The following ZFYVE26 variants were observed in gnomAD, a reference collection of about 807,000 sequenced individuals.
The protein encoded by ZFYVE26 is zinc finger FYVE-type containing 26.
Under a neutral mutation model 276.5 loss-of-function variants are expected in ZFYVE26, and 181 were observed. The ratio of observed to expected loss-of-function variants is 0.65; its 90% CI spans 0.58 to 0.74. The LOEUF is 0.74. Ranked by LOEUF, ZFYVE26 falls within the 30% of genes least tolerant of loss-of-function variation. The pLI is 0.00. For synonymous variants in ZFYVE26, 1,129 were observed against 1,203.1 expected (o/e 0.94, Z 1.27); for missense variants, 2,821 against 3,097.9 (o/e 0.91, Z 2.12).
intron 18 of ZFYVE26, 46 bp downstream of exon 18, chr14:67,785,812 C>A: frequency 6.2e-7 from 1 of 1,613,098 alleles, no homozygotes; most frequent in Non-Finnish European, 8.5e-7. Flanking sequence ...GCTGTTTCCT[C>A]TCCCCAGTTC....
rs2040245279 is a variant in ZFYVE26, at chr14:67,809,300, CA to C, written c.274-12del. The C allele has an allele frequency of 6.3e-7, 1 of 1,595,682 alleles. No individual in the cohort carries two copies. The highest frequency in any genetic ancestry group is 1.3e-5 in the African/African-American group (1 of 74,178). On this transcript the variant is annotated splice_polypyrimidine_tract_variant and intron_variant, in intron 3 of 41. Transcript: ENST00000347230. ...AACTGGGAGTAACTTCTAGAAGAAT[CA>C]AAAGAATGAAGCATAGAGATGAGAT...
At position 67,780,286 on chromosome 14, in the gene ZFYVE26, A is replaced by G. The variant is rs2140218942; in HGVS notation, c.4629T>C (p.Cys1543=). The change falls in exon 23 of 42, where the codon TGT becomes TGC. Residue 1543 remains cysteine, a synonymous_variant. Transcript: ENST00000347230. The stretch of plus-strand genomic sequence containing the variant: ...TCATGACAGTTGATGGGTCCTCAAC[A>G]CAACAGCTCCTCAAGGTCTGCCAGT... The part of the protein sequence containing the change: ...WCDWQTLRSC[C]VEDPSTVMNM... 1 of 1,614,096 alleles carries G rather than the reference A, an allele frequency of 6.2e-7. No individual in the cohort carries two copies. The highest frequency in any genetic ancestry group is 1.7e-4 in the Middle Eastern group (1 of 6,060).
intron 12 of ZFYVE26, chr14:67,797,321 A>C (rs2039974795): frequency 3.0e-6 from 1 of 328,876 alleles, no homozygotes; most frequent in East Asian, 7.6e-5. Flanking sequence ...GGTGTTTCTG[A>C]CAATGGAATA....
At chr14:67,742,411 A>G (rs1206416278), downstream of ZFYVE26, among the ~76,000 whole-genome samples, 1 of 152,222 alleles carries the variant, frequency 6.6e-6, no homozygotes, top group Admixed American at 6.5e-5. Context: ...TATGTCATGT[A>G]TATTTTAGCA....
chr14:67,794,041 A>C (rs2039890519), intron 13 of ZFYVE26, 130 bp downstream of exon 13: 4 of 1,059,280 alleles, frequency 3.8e-6, no homozygotes. Context: ...TCTCCCAGCT[A>C]AAATCTGGCC....
chr14:67,774,246 C>T (rs112459462), intron 27 of ZFYVE26, among the ~76,000 whole-genome samples: 3 of 152,314 alleles, frequency 2.0e-5, no homozygotes, highest in African/African-American at 7.2e-5. Flanking sequence ...TGGCTCATGC[C>T]TATAATCCCA....
At chr14:67,729,147 G>A in intron 14 of ZFYVE26, 1 of 1,595,034 alleles carries the variant, frequency 6.3e-7, no homozygotes. Context: ...GTTTTCCTGG[G>A]CTCAGAGTGT....
rs779624955 is a variant in ZFYVE26, at chr14:67,755,934, G to C, written c.6786+14C>G. The C allele has an allele frequency of 6.2e-7, 1 of 1,614,148 alleles. No individual in the cohort carries two copies. Among genetic ancestry groups the C allele is most frequent in the Admixed American group, 1.7e-5 (1 of 60,026 alleles). On this transcript the variant is annotated intron_variant, in intron 36 of 41. Coordinates refer to ENST00000347230, the MANE Select transcript of ZFYVE26 (RefSeq NM_015346.4). ...CAGCAACAGAGGTAGAAGGCAGGAA[G>C]GGGCTGCCATTACCTTCATAAACTG...
At position 67,790,649 on chromosome 14, in the gene ZFYVE26, T is replaced by A. The variant is rs201550356; in HGVS notation, c.2678A>T (p.Asp893Val). ...TCTCCGAATGGTGCTGCTACCCGCA[T>A]CTGAGTTCTGGTTTTCAATCTTGTG... is the stretch of plus-strand genomic sequence containing the variant. ...VEHKIENQNS[D>V]AGSSTIRRTG... Residue 893 changes from aspartate to valine, a missense_variant, in exon 15 of 42, where the codon GAT (aspartate) becomes GTT (valine). Coordinates refer to ENST00000347230, the MANE Select transcript of ZFYVE26 (RefSeq NM_015346.4). The A allele has an allele frequency of 1.2e-6, 2 of 1,614,192 alleles. No individual in the cohort carries two copies. Among genetic ancestry groups the A allele is most frequent in the African/African-American group, 2.7e-5 (2 of 75,064 alleles).
In ZFYVE26 at chr14:67,774,931, CAA is replaced by C. The variant is rs35993176; in HGVS notation, c.5320+83_5320+84del. 20,454 of 791,336 alleles carry C rather than the reference CAA, an allele frequency of 0.026. 38 individuals are homozygous for C. Among genetic ancestry groups the C allele is most frequent in the Middle Eastern group, 0.048 (147 of 3,042 alleles). 49.0% of individuals were successfully genotyped at this position (791,336 alleles called of 1,614,324 possible). On this transcript the variant is annotated intron_variant, in intron 27 of 41. Transcript: ENST00000347230. Reference sequence around the variant, plus strand: ...TGTAACTGGCAATGAAAAAAAGAAGCAAAAAAAAAAAAAAAATTCTGAAGGAT... The same window carrying C: ...TGTAACTGGCAATGAAAAAAAGAAGCAAAAAAAAAAAAAATTCTGAAGGAT...
At position 67,798,893 on chromosome 14, in the gene ZFYVE26, GC is replaced by G; in HGVS notation, c.1640-272del. On this transcript the variant is annotated intron_variant, in intron 10 of 41. Transcript: ENST00000347230. ...GCCTCCCCAGCCTTTTGGCCACCAG[GC>G]CCCGCCCCCGGGGAGGGCGCTGAGC... 5 of 909,070 alleles carry G rather than the reference GC, an allele frequency of 5.5e-6. No individual in the cohort carries two copies. The Admixed American group carries it at 1.2e-4, about 22-fold the overall frequency. 56.3% of individuals were successfully genotyped at this position (909,070 alleles called of 1,614,324 possible). A position where few individuals can be genotyped will look rare whatever the true frequency, so the allele number is the denominator to read the frequency against.
intron 10 of ZFYVE26, among the ~76,000 whole-genome samples, chr14:67,801,076 A>G (rs1031577491): frequency 2.0e-4 from 31 of 152,024 alleles, no homozygotes; most frequent in African/African-American, 7.5e-4. Context: ...AACTGGTGAA[A>G]CACCATCTCT....
At chr14:67,752,578 G>A (rs2038678501) in intron 39 of ZFYVE26, 52 bp from the exon 40 acceptor site, 1 of 1,592,420 alleles carries the variant, frequency 6.3e-7, no homozygotes, top group Non-Finnish European at 8.6e-7. Context: ...GTTAACGGTG[G>A]GGAGGGAGGC....
chr14:67,774,902 ATGT>A, intron 27 of ZFYVE26, 111 bp downstream of exon 27: 2 of 691,714 alleles, frequency 2.9e-6, no homozygotes, highest in Non-Finnish European at 2.5e-6. Context: ...ACAATTAATA[ATGT>A]TGTAACTGGC....
intron 35 of ZFYVE26, among the ~76,000 whole-genome samples, chr14:67,758,460 A>T (rs2038844854): frequency 1.3e-5 from 2 of 152,092 alleles, no homozygotes; most frequent in Admixed American, 1.3e-4. Context: ...AGATAAGTAA[A>T]ATATAGGCCT....
At chr14:67,776,520 T>C (rs2039348528) in intron 25 of ZFYVE26, among the ~76,000 whole-genome samples, 1 of 152,230 alleles carries the variant, frequency 6.6e-6, no homozygotes, top group African/African-American at 2.4e-5. Flanking sequence ...GGTGGTAGCC[T>C]GCTCACGCCT....
chr14:67,741,249 T>G (rs532546112), intron 13 of ZFYVE26, among the ~76,000 whole-genome samples: 128 of 152,334 alleles, frequency 8.4e-4, no homozygotes, highest in Non-Finnish European at 1.6e-3. Context: ...AGAGTAAATG[T>G]TTAGGGTATC....
At chr14:67,743,173 T>C (rs1181028325), downstream of ZFYVE26, among the ~76,000 whole-genome samples, 1 of 151,952 alleles carries the variant, frequency 6.6e-6, no homozygotes, top group Admixed American at 6.6e-5. Flanking sequence ...TGCACAATAG[T>C]AATAACAACA....
intron 35 of ZFYVE26, among the ~76,000 whole-genome samples, chr14:67,759,250 A>G (rs1303893547): frequency 2.8e-5 from 2 of 71,730 alleles, no homozygotes; most frequent in Non-Finnish European, 5.7e-5. Context: ...GTCTGAAAAA[A>G]AAAAAAAAAA....
Sources: allele counts gnomAD v4.1 joint callset (sites outside exome capture counted in the v4.1 genomes callset), GRCh38; gene constraint gnomAD v4.1.1; transcripts MANE v1.5; gene names NCBI Gene and HGNC (gene_info 2026-07-23, HGNC 2026-07-21).